TNIP1: variants seen among roughly 807,000 people sequenced by gnomAD.
The protein encoded by TNIP1 is TNFAIP3-interacting protein 1.
In TNIP1, 22 loss-of-function variants were observed where a neutral mutation model predicts 86.6. The observed-to-expected ratio is 0.25, with a 90% CI of 0.18 to 0.36. The LOEUF is 0.36. Ranked by LOEUF, TNIP1 falls within the 10% of genes least tolerant of loss-of-function variation. The pLI, the probability that TNIP1 is intolerant of heterozygous loss-of-function variation, is 1.00. For missense variants in TNIP1, 709 were observed against 820.6 expected, an observed-to-expected ratio of 0.86 and a Z score of 1.66; for synonymous variants, 294 against 313.0, an observed-to-expected ratio of 0.94 and a Z score of 0.64.
At chr5:151,034,380 CTAGAACA>C (rs1177340642) in intron 15 of TNIP1, 1 of 282,256 alleles carries the variant, frequency 3.5e-6, no homozygotes, top group African/African-American at 2.7e-5. Flanking sequence ...GCACGGAAGG[CTAGAACA>C]TGGGCACAGA....
intron 1 of TNIP1, among the ~76,000 whole-genome samples, chr5:151,074,738 G>C (rs1274767114): frequency 1.3e-5 from 2 of 152,204 alleles, no homozygotes; most frequent in Non-Finnish European, 2.9e-5. Flanking sequence ...TTTCCTATCA[G>C]GAAATACTAT....
chr5:151,041,071 CTTT>C (rs397944698), intron 11 of TNIP1, among the ~76,000 whole-genome samples: 7 of 139,398 alleles, frequency 5.0e-5, no homozygotes, highest in Admixed American at 1.4e-4. Context: ...CTTCGTAGTA[CTTT>C]TTTTTTTTTT....
intron 1 of TNIP1, among the ~76,000 whole-genome samples, chr5:151,066,693 C>A (rs375474587): frequency 2.0e-5 from 3 of 152,212 alleles, no homozygotes; most frequent in African/African-American, 7.2e-5. Flanking sequence ...ATACTAATCT[C>A]ATCTGCATTT....
chr5:151,057,028 T>A, intron 5 of TNIP1, 71 bp from the exon 6 acceptor site: 1 of 1,296,240 alleles, frequency 7.7e-7, no homozygotes, highest in African/African-American at 1.5e-5. Flanking sequence ...CCATTCTCCC[T>A]CTGCTTCCTC....
At chr5:151,033,451 C>T (rs1757183127) in intron 16 of TNIP1, 157 bp downstream of exon 16, 4 of 482,300 alleles carry the variant, frequency 8.3e-6, no homozygotes, top group Middle Eastern at 8.5e-4. Flanking sequence ...CCCTGGGTAG[C>T]AGCCCAGAGC....
At chr5:151,081,461 T>C (rs977141137), upstream of TNIP1, among the ~76,000 whole-genome samples, 3 of 152,082 alleles carry the variant, frequency 2.0e-5, no homozygotes, top group Non-Finnish European at 2.9e-5. Flanking sequence ...GAGCTGGAGC[T>C]CAGGCCCCCA....
In TNIP1 at chr5:151,078,996, G is replaced by A. The variant is rs534643904; in HGVS notation, c.-37+1884C>T. Among the ~76,000 whole-genome samples, 6 of 152,290 alleles carry A rather than the reference G, an allele frequency of 3.9e-5. No homozygotes were observed. The South Asian group carries it at 6.2e-4, about 16-fold the overall frequency. ...AGACCCCACAGCTTCCTGGGGCCCC[G>A]AAAAAACTGGTGGGGGTATCCAGGG... On this transcript the variant is annotated intron_variant, in intron 1 of 17. Transcript: ENST00000521591.
At chr5:151,034,026 TACACATGCATGGAAGGTTGTG>T (rs1757299423) in intron 15 of TNIP1, among the ~76,000 whole-genome samples, 1 of 149,860 alleles carries the variant, frequency 6.7e-6, no homozygotes, top group African/African-American at 2.5e-5. Flanking sequence ...GAAGGCTGGG[TACACATGCATGGAAGGTTGTG>T]ACATGGGCAC....
intron 5 of TNIP1, among the ~76,000 whole-genome samples, chr5:151,057,307 T>C (rs905321034): frequency 1.3e-5 from 2 of 152,082 alleles, no homozygotes; most frequent in African/African-American, 2.4e-5. Context: ...ACAGGGTTCT[T>C]AGGAGGATGA....
At chr5:151,067,043 G>A (rs1306999727) in intron 1 of TNIP1, among the ~76,000 whole-genome samples, 1 of 152,188 alleles carries the variant, frequency 6.6e-6, no homozygotes, top group Non-Finnish European at 1.5e-5. Context: ...ACAGATACAA[G>A]ATGAATACAC....
intron 5 of TNIP1, among the ~76,000 whole-genome samples, chr5:151,058,768 A>C (rs995678805): frequency 1.3e-5 from 2 of 152,172 alleles, no homozygotes; most frequent in Non-Finnish European, 2.9e-5. Flanking sequence ...AAACCAAGCT[A>C]TGGGGAGGAG....
At chr5:151,085,050 G>A (rs777467318), upstream of TNIP1, among the ~76,000 whole-genome samples, 1 of 152,200 alleles carries the variant, frequency 6.6e-6, no homozygotes, top group African/African-American at 2.4e-5. Flanking sequence ...ATACCTGCAT[G>A]AGGAGGTAGT....
chr5:151,042,794 T>G, intron 10 of TNIP1, 102 bp downstream of exon 10: 1 of 1,598,384 alleles, frequency 6.3e-7, no homozygotes, highest in East Asian at 2.2e-5. Flanking sequence ...TGGGCCATAC[T>G]GGGGCTCAGC....
At chr5:151,067,331 C>A (rs192156612) in intron 1 of TNIP1, among the ~76,000 whole-genome samples, 3 of 152,368 alleles carry the variant, frequency 2.0e-5, no homozygotes, top group African/African-American at 7.2e-5. Flanking sequence ...ACGAGGCTTG[C>A]CACCTGGTAC....
chr5:151,048,941 C>G (rs909241499), intron 8 of TNIP1, among the ~76,000 whole-genome samples: 2 of 152,146 alleles, frequency 1.3e-5, no homozygotes, highest in Non-Finnish European at 2.9e-5. Context: ...TTGACCTCTC[C>G]AAACCTATGG....
rs12332213 is a variant in TNIP1 at position 151,086,591 on chromosome 5, A to G, written c.-37+494T>C. 7.4e-3 allele frequency among the ~76,000 whole-genome samples: 1,124 copies of G among 152,282 alleles called. 18 individuals carry two copies. The highest frequency in any genetic ancestry group is 0.026 in the African/African-American group (1,083 of 41,546). Reference sequence around the variant, plus strand: ...AAAAATTCACTGTACACACAGATACACACACAAATACACACAGTCACCAAC... The same window carrying G: ...AAAAATTCACTGTACACACAGATACGCACACAAATACACACAGTCACCAAC... On this transcript the variant is annotated intron_variant, in intron 1 of 17. Transcript: ENST00000315050.
chr5:151,062,024 C>T (rs548672627), intron 4 of TNIP1, 103 bp downstream of exon 4: 2 of 1,061,798 alleles, frequency 1.9e-6, no homozygotes, highest in African/African-American at 1.6e-5. Flanking sequence ...AGACGGAACA[C>T]AGTTTCTTGA....
intron 9 of TNIP1, 106 bp from the exon 10 acceptor site, chr5:151,043,067 G>T: frequency 8.8e-7 from 1 of 1,130,214 alleles, no homozygotes; most frequent in Non-Finnish European, 1.3e-6. Flanking sequence ...CGGTGTGTGT[G>T]AATAGTGGCT....
intron 1 of TNIP1, among the ~76,000 whole-genome samples, chr5:151,079,477 A>G (rs1763755668): frequency 1.3e-5 from 2 of 152,126 alleles, no homozygotes; most frequent in Admixed American, 1.3e-4. Flanking sequence ...CAAAAAAATT[A>G]GCCGGGGATG....
Sources: allele counts gnomAD v4.1 joint callset (sites outside exome capture counted in the v4.1 genomes callset), GRCh38; gene constraint gnomAD v4.1.1; transcripts MANE v1.5; gene names NCBI Gene and HGNC (gene_info 2026-07-23, HGNC 2026-07-21).